The following NOS1AP variants were observed in gnomAD, a reference collection of about 807,000 sequenced individuals.
NOS1AP encodes the protein nitric oxide synthase 1 adaptor protein, also known as carboxyl-terminal PDZ ligand of neuronal nitric oxide synthase protein.
In NOS1AP, 21 loss-of-function variants were observed where a neutral mutation model predicts 56.2. The ratio of observed to expected loss-of-function variants is 0.37; its 90% CI spans 0.26 to 0.54. The LOEUF (loss-of-function observed/expected upper bound fraction) is 0.54. Ranked by LOEUF, NOS1AP falls within the 20% of genes least tolerant of loss-of-function variation. NOS1AP has a pLI of 0.84. For missense variants in NOS1AP, 522 were observed against 657.8 expected, an observed-to-expected ratio of 0.79 and a Z score of 2.26; for synonymous variants, 270 against 274.6, an observed-to-expected ratio of 0.98 and a Z score of 0.17.
At chr1:162,274,757 A>T (rs1007227849) in intron 2 of NOS1AP, among the ~76,000 whole-genome samples, 11 of 152,340 alleles carry the variant, frequency 7.2e-5, no homozygotes, top group African/African-American at 2.6e-4. Context: ...TTTCCTAGGC[A>T]TGAGCCTCAC....
rs185718562 is a variant in NOS1AP at position 162,322,443 on chromosome 1, G to A, written c.345-10574G>A. 1.1e-4 allele frequency among the ~76,000 whole-genome samples: 17 copies of A among 152,292 alleles called. No homozygotes were observed. The East Asian group carries it at 1.2e-3, about 10-fold the overall frequency. The stretch of plus-strand genomic sequence containing the variant: ...GGTGGATACTCTTTCTTCATTTCCC[G>A]TCATGGCACATGGGACTCCTCACAT... On this transcript the variant is annotated intron_variant, in intron 4 of 9. Coordinates refer to ENST00000361897, the MANE Select transcript of NOS1AP (RefSeq NM_014697.3).
chr1:162,366,856 C>T (rs1658101330), intron 9 of NOS1AP, 196 bp from the exon 10 acceptor site: 1 of 663,302 alleles, frequency 1.5e-6, no homozygotes, highest in Admixed American at 2.5e-5. Flanking sequence ...AAGCTCCTCC[C>T]CTCCAGCGAG....
intron 2 of NOS1AP, among the ~76,000 whole-genome samples, chr1:162,187,163 C>T (rs1011771978): frequency 3.9e-5 from 6 of 151,974 alleles, no homozygotes; most frequent in Non-Finnish European, 7.4e-5. Flanking sequence ...GATGGGGTTT[C>T]GTCATGTTGC....
At chr1:162,303,847 T>C (rs1045384073) in intron 4 of NOS1AP, among the ~76,000 whole-genome samples, 2 of 151,934 alleles carry the variant, frequency 1.3e-5, no homozygotes, top group African/African-American at 2.4e-5. Flanking sequence ...AAATTATGGA[T>C]GTAAGACTTT....
chr1:162,294,161 A>AAGGCAGGT (rs1655362919), intron 3 of NOS1AP, among the ~76,000 whole-genome samples: 1 of 145,432 alleles, frequency 6.9e-6, no homozygotes. Context: ...GGGAAGAAGG[A>AAGGCAGGT]AGGAAGGCAG....
intron 2 of NOS1AP, among the ~76,000 whole-genome samples, chr1:162,160,515 G>A (rs1650156981): frequency 6.6e-6 from 1 of 152,188 alleles, no homozygotes; most frequent in African/African-American, 2.4e-5. Context: ...TGTGAGTGCC[G>A]CCTGTCTGCA....
chr1:162,313,288 C>T (rs1656109135), intron 4 of NOS1AP, among the ~76,000 whole-genome samples: 1 of 152,164 alleles, frequency 6.6e-6, no homozygotes, highest in African/African-American at 2.4e-5. Context: ...CCAAATAATA[C>T]ATAACTGTTA....
chr1:162,150,264 T>C (rs961393791), intron 1 of NOS1AP, among the ~76,000 whole-genome samples: 2 of 152,248 alleles, frequency 1.3e-5, no homozygotes, highest in African/African-American at 2.4e-5. Context: ...CTTATTTCAC[T>C]AACCTCCATT....
chr1:162,081,774 A>ATATATATATATATATTTTTTTTTT, intron 1 of NOS1AP, among the ~76,000 whole-genome samples: 2 of 44,060 alleles, frequency 4.5e-5, no homozygotes, highest in African/African-American at 7.7e-5. Flanking sequence ...ATATATATAT[A>ATATATATATATATATTTTTTTTTT]TTTTTTTTTT....
intron 4 of NOS1AP, chr1:162,317,402 T>C (rs1656266591): frequency 1.3e-5 from 2 of 152,180 alleles, no homozygotes; most frequent in African/African-American, 4.8e-5. Context: ...GTTTTTTGTA[T>C]GTGTATATGT....
intron 4 of NOS1AP, among the ~76,000 whole-genome samples, chr1:162,314,327 T>C (rs1461424892): frequency 1.3e-5 from 2 of 152,274 alleles, no homozygotes; most frequent in Non-Finnish European, 2.9e-5. Flanking sequence ...TTTACACTAA[T>C]GATGGAAAAT....
In NOS1AP at chr1:162,368,438, C is replaced by CA. The variant is rs3065060; in HGVS notation, c.*984dup. 270 of 145,696 alleles carry CA rather than the reference C, an allele frequency of 1.9e-3. 2 individuals are homozygous for CA. Among genetic ancestry groups the CA allele is most frequent in the African/African-American group, 4.2e-3 (160 of 38,512 alleles). 9.0% of individuals were successfully genotyped at this position (145,696 alleles called of 1,614,324 possible). ...GGGCAGTGGTGGTCAGTTTTTACTG[C>CA]AAAAAAAAAAAAAGAAAAAAGAGAA... On this transcript the variant is annotated 3_prime_UTR_variant, in exon 10 of 10. Transcript: ENST00000361897.
At chr1:162,175,774 A>G (rs1651032429) in intron 2 of NOS1AP, among the ~76,000 whole-genome samples, 1 of 152,152 alleles carries the variant, frequency 6.6e-6, no homozygotes, top group Non-Finnish European at 1.5e-5. Flanking sequence ...GCCAAACATG[A>G]GTTTGTAGTG....
intron 8 of NOS1AP, among the ~76,000 whole-genome samples, chr1:162,357,810 G>A (rs1007348085): frequency 3.3e-5 from 5 of 151,778 alleles, no homozygotes; most frequent in Non-Finnish European, 1.5e-5. Context: ...AGGGGAGGGT[G>A]AGCTGATTTC....
At chr1:162,090,565 A>T (rs894176270) in intron 1 of NOS1AP, among the ~76,000 whole-genome samples, 2 of 152,036 alleles carry the variant, frequency 1.3e-5, no homozygotes, top group African/African-American at 4.8e-5. Context: ...TCTTATCCAT[A>T]TGTTGGTTCT....
chr1:162,339,524 T>C (rs389315), intron 5 of NOS1AP, among the ~76,000 whole-genome samples: 151,734 of 152,252 alleles, frequency 1, 75,610 homozygotes, highest in Middle Eastern at 1. Flanking sequence ...TTTAAACCTC[T>C]GCTTTAGTCT....
intron 4 of NOS1AP, among the ~76,000 whole-genome samples, chr1:162,313,311 T>G (rs1656110711): frequency 6.6e-6 from 1 of 152,206 alleles, no homozygotes; most frequent in Non-Finnish European, 1.5e-5. Flanking sequence ...AAAAATAAAG[T>G]AGTGAAGAGT....
chr1:162,146,305 G>A (rs1025289074), intron 1 of NOS1AP, among the ~76,000 whole-genome samples: 1 of 151,468 alleles, frequency 6.6e-6, no homozygotes, highest in African/African-American at 2.4e-5. Context: ...GAGGTGGGGA[G>A]CAGTTAAAAT....
intron 2 of NOS1AP, among the ~76,000 whole-genome samples, chr1:162,170,926 G>A (rs1650746739): frequency 6.7e-6 from 1 of 149,360 alleles, no homozygotes; most frequent in South Asian, 2.1e-4. Context: ...GCAACAAAGA[G>A]TGAAACTCCA....
Sources: gnomAD v4.1 joint callset for allele counts (sites outside exome capture counted in the v4.1 genomes callset) on GRCh38, gnomAD v4.1.1 for gene constraint, MANE v1.5 for transcripts, NCBI Gene and HGNC (gene_info 2026-07-23, HGNC 2026-07-21) for gene names.